Variants in TPRG1 observed in about 807,000 individuals in gnomAD.
The protein encoded by TPRG1 is tumor protein p63-regulated gene 1 protein.
TPRG1 carries 29 observed loss-of-function variants against 29.3 expected under a neutral mutation model. The observed-to-expected ratio is 0.99, with a 90% CI of 0.74 to 1.35. The LOEUF (loss-of-function observed/expected upper bound fraction) is 1.35, where lower values mean the gene tolerates loss of function less well. TPRG1 is among the 40% of genes most tolerant of loss of function. The pLI, the probability that TPRG1 is intolerant of heterozygous loss-of-function variation, is 0.00. For synonymous variants in TPRG1, 130 were observed against 116.8 expected, an observed-to-expected ratio of 1.11 and a Z score of -0.73; for missense variants, 327 against 335.0, an observed-to-expected ratio of 0.98 and a Z score of 0.19.
chr3:189,006,272 A>T (rs899954473), intron 3 of TPRG1, among the ~76,000 whole-genome samples: 1 of 152,120 alleles, frequency 6.6e-6, no homozygotes, highest in Non-Finnish European at 1.5e-5. Context: ...CATCTGGATG[A>T]TGATCATCTT....
At chr3:189,204,731 G>A (rs1045095038) in intron 1 of TPRG1, among the ~76,000 whole-genome samples, 1 of 152,112 alleles carries the variant, frequency 6.6e-6, no homozygotes, top group African/African-American at 2.4e-5. Context: ...CACAGAGTGC[G>A]CAAATACAGA....
chr3:189,018,949 C>A (rs1312539418), intron 3 of TPRG1, among the ~76,000 whole-genome samples: 1 of 152,050 alleles, frequency 6.6e-6, no homozygotes, highest in Non-Finnish European at 1.5e-5. Context: ...TCCTTCACAT[C>A]CCTTGTAAGT....
At chr3:189,115,825 T>C (rs1178978402) in intron 1 of TPRG1, among the ~76,000 whole-genome samples, 1 of 152,218 alleles carries the variant, frequency 6.6e-6, no homozygotes, top group Non-Finnish European at 1.5e-5. Context: ...CATCTCTCTT[T>C]TTCTCTGTGA....
intron 4 of TPRG1, among the ~76,000 whole-genome samples, chr3:189,297,617 G>A (rs543288660): frequency 3.7e-4 from 56 of 152,274 alleles, no homozygotes; most frequent in African/African-American, 1.3e-3. Context: ...GAAAACCCCA[G>A]GTGATTCAGA....
chr3:189,233,166 ATGTGTGTG>A (rs59388844), intron 3 of TPRG1, among the ~76,000 whole-genome samples: 3,305 of 148,778 alleles, frequency 0.022, 87 homozygotes, highest in African/African-American at 0.06. Context: ...CTGAGTGTGT[ATGTGTGTG>A]TGTGTGTGTG....
chr3:189,286,796 T>C (rs1718133941), intron 4 of TPRG1, among the ~76,000 whole-genome samples: 1 of 152,126 alleles, frequency 6.6e-6, no homozygotes, highest in African/African-American at 2.4e-5. Context: ...CAGAGAGAGA[T>C]GAAATGACAG....
chr3:189,166,885 G>A (rs752483727), intron 5 of TPRG1, among the ~76,000 whole-genome samples: 5 of 152,140 alleles, frequency 3.3e-5, no homozygotes, highest in Non-Finnish European at 4.4e-5. Flanking sequence ...TTGGGTATCC[G>A]AGTCTGCCGG....
intron 4 of TPRG1, among the ~76,000 whole-genome samples, chr3:189,073,590 C>T (rs1026837951): frequency 3.3e-5 from 5 of 151,930 alleles, no homozygotes; most frequent in African/African-American, 1.2e-4. Context: ...TGTTTTCTTT[C>T]TCATGCTCGT....
At chr3:189,043,072 C>T (rs930648162) in intron 4 of TPRG1, among the ~76,000 whole-genome samples, 7 of 152,162 alleles carry the variant, frequency 4.6e-5, no homozygotes, top group Admixed American at 2.0e-4. Flanking sequence ...GATCTGCTAA[C>T]TATAAGGCCT....
chr3:189,208,339 A>C (rs1201124744), intron 2 of TPRG1, among the ~76,000 whole-genome samples: 3 of 152,196 alleles, frequency 2.0e-5, no homozygotes, highest in Non-Finnish European at 4.4e-5. Context: ...TAGAGGTTAC[A>C]ATCAATTGGG....
chr3:189,243,535 T>C (rs1257636732), intron 4 of TPRG1, among the ~76,000 whole-genome samples: 1 of 151,724 alleles, frequency 6.6e-6, no homozygotes, highest in Non-Finnish European at 1.5e-5. Context: ...ATTCTTCCCC[T>C]GAAAATTGGC....
At chr3:189,231,735 C>T (rs549171585) in intron 3 of TPRG1, among the ~76,000 whole-genome samples, 4 of 152,188 alleles carry the variant, frequency 2.6e-5, no homozygotes, top group South Asian at 2.1e-4. Flanking sequence ...ATAGAAAGCC[C>T]GTCACTGCTC....
At chr3:189,106,576 T>G (rs1178987532) in intron 1 of TPRG1, among the ~76,000 whole-genome samples, 3 of 152,188 alleles carry the variant, frequency 2.0e-5, no homozygotes, top group Non-Finnish European at 4.4e-5. Flanking sequence ...CCTTGTTTAC[T>G]GTGGAATCCC....
At chr3:189,024,740 C>G (rs1713565970) in intron 4 of TPRG1, among the ~76,000 whole-genome samples, 2 of 152,142 alleles carry the variant, frequency 1.3e-5, no homozygotes, top group South Asian at 4.1e-4. Flanking sequence ...GCTGGAGGCT[C>G]TGGATGCGAA....
At chr3:189,199,120 C>A (rs1310248954) in intron 1 of TPRG1, among the ~76,000 whole-genome samples, 1 of 152,126 alleles carries the variant, frequency 6.6e-6, no homozygotes, top group Non-Finnish European at 1.5e-5. Context: ...CAGCTCTGGT[C>A]TATATGGATT....
chr3:189,188,032 T>C (rs1288071309), intron 1 of TPRG1, among the ~76,000 whole-genome samples: 1 of 152,054 alleles, frequency 6.6e-6, no homozygotes, highest in Non-Finnish European at 1.5e-5. Flanking sequence ...TTGGCTGAAC[T>C]CCCAAATGGA....
At chr3:189,306,702 A>G (rs755073194) in intron 4 of TPRG1, among the ~76,000 whole-genome samples, 1 of 152,244 alleles carries the variant, frequency 6.6e-6, no homozygotes, top group Non-Finnish European at 1.5e-5. Context: ...AATAAAAAAT[A>G]TAAGATCTCT....
chr3:189,292,234 A>G (rs576625373), intron 4 of TPRG1, among the ~76,000 whole-genome samples: 5 of 150,796 alleles, frequency 3.3e-5, no homozygotes, highest in Middle Eastern at 3.5e-3. Flanking sequence ...TTTACACAGA[A>G]TAGTCACAGT....
chr3:189,148,268 G>A lies in TPRG1; in HGVS notation c.-227+621G>A, dbSNP rs149435547. ...AAAGTTTACTCTAAACTTAGAAGGG[G>A]CCAGGCAACTCCTAGTCTTCAGCAA... On this transcript the variant is annotated intron_variant, in intron 4 of 6. Coordinates refer to the TPRG1 transcript ENST00000412373. Among the ~76,000 whole-genome samples, 406 of 152,272 alleles carry A rather than the reference G, an allele frequency of 2.7e-3. 1 individual carries two copies. Among genetic ancestry groups the A allele is most frequent in the African/African-American group, 9.1e-3 (378 of 41,566 alleles).
Sources: allele counts gnomAD v4.1 joint callset (sites outside exome capture counted in the v4.1 genomes callset), GRCh38; gene constraint gnomAD v4.1.1; transcripts MANE v1.5; gene names NCBI Gene and HGNC (gene_info 2026-07-23, HGNC 2026-07-21).